SEPTIN2: variants seen among roughly 807,000 people sequenced by gnomAD.
SEPTIN2 encodes the protein septin 2.
Under a neutral mutation model 46.5 loss-of-function variants are expected in SEPTIN2, and 34 were observed. The ratio of observed to expected loss-of-function variants is 0.73; its 90% confidence interval spans 0.56 to 0.97. The LOEUF is 0.97. SEPTIN2 is among the 50% of genes least tolerant of loss of function. The probability of loss-of-function intolerance (pLI) is 0.00; values close to 1 mark genes in which losing one functional copy is unlikely to be tolerated. For missense variants in SEPTIN2, 347 were observed against 448.4 expected (o/e 0.77, Z 2.04); for synonymous variants, 175 against 153.4 (o/e 1.14, Z -1.04).
At position 241,340,944 on chromosome 2, in the gene SEPTIN2, T is replaced by C. The variant is rs2081182470; in HGVS notation, c.595-2048T>C. 3.3e-5 allele frequency among the ~76,000 whole-genome samples: 5 copies of C among 152,316 alleles called. No homozygotes were observed. The South Asian group carries it at 1.0e-3, about 32-fold the overall frequency. ...CTGCCCTCCCCATGATCCTGTTCACTCAGGCTTCCTGTCATCCACCTGCAA... is the reference window on the plus strand; with the variant it reads ...CTGCCCTCCCCATGATCCTGTTCACCCAGGCTTCCTGTCATCCACCTGCAA... On this transcript the variant is annotated intron_variant, in intron 7 of 12. Transcript: ENST00000391971.
At chr2:241,335,493 AGT>A (rs1275793250) in intron 4 of SEPTIN2, 2 of 771,684 alleles carry the variant, frequency 2.6e-6, no homozygotes, top group Non-Finnish European at 4.3e-6. Flanking sequence ...GGAAGGATTA[AGT>A]GAGAATGTTT....
In SEPTIN2 at chr2:241,346,227, G is replaced by T; in HGVS notation, c.904G>T (p.Glu302Ter). ...QDLHYENFRSERLKRGGRKVE... is the reference protein window; with the variant it reads ...QDLHYENFRS ...CCTTCATTATGAAAACTTCCGTTCT[G>T]AGAGACTCAAGAGAGGCGGCAGGTC... The change falls in exon 10 of 13, where the codon GAG becomes TAG. Residue 302 changes from glutamate to a stop codon, truncating the protein, a stop_gained. Transcript: ENST00000391971. LOFTEE classifies it high-confidence loss of function. The T allele has an allele frequency of 6.2e-7, 1 of 1,613,882 alleles. No individual in the cohort carries two copies. Among genetic ancestry groups the T allele is most frequent in the South Asian group, 1.1e-5 (1 of 91,058 alleles).
rs183704711 is a variant in SEPTIN2, at chr2:241,326,234, G to T, written c.130+121G>T. The stretch of plus-strand genomic sequence containing the variant: ...AATTTGGCAGAGTCAAATAACTTGA[G>T]AATTTGAACAAATATATGTGTATTC... On this transcript the variant is annotated intron_variant, in intron 3 of 12. Coordinates refer to ENST00000391971, the MANE Select transcript of SEPTIN2 (RefSeq NM_004404.5). 6.4e-5 allele frequency: 58 copies of T among 912,430 alleles called. No individual in the cohort carries two copies. The African/African-American group carries it at 8.7e-4, about 14-fold the overall frequency. 56.5% of individuals were successfully genotyped at this position (912,430 alleles called of 1,614,324 possible).
chr2:241,349,600 A>C (rs953913439), intron 11 of SEPTIN2, among the ~76,000 whole-genome samples: 3 of 151,928 alleles, frequency 2.0e-5, no homozygotes, highest in African/African-American at 7.3e-5. Context: ...AGGCGGGTGG[A>C]TCACGAGGTC....
Position 241,348,130 on chromosome 2 carries a change from T to C in SEPTIN2, c.927-4T>C, listed in dbSNP as rs1211719039. ...TTATGATTCTGATTTCTTTCGATTC[T>C]TAGGAAAGTGGAGAATGAGGACATG... On this transcript the variant is annotated splice_region_variant and splice_polypyrimidine_tract_variant and intron_variant, in intron 10 of 12. Transcript: ENST00000391971. 1 of 1,610,868 alleles carries C rather than the reference T, an allele frequency of 6.2e-7. No homozygotes were observed. Among genetic ancestry groups the C allele is most frequent in the Non-Finnish European group, 8.5e-7 (1 of 1,178,330 alleles).
chr2:241,320,641 T>C (rs186027354), intron 1 of SEPTIN2, among the ~76,000 whole-genome samples: 11 of 152,224 alleles, frequency 7.2e-5, no homozygotes, highest in Non-Finnish European at 1.6e-4. Flanking sequence ...ATACTAAAAT[T>C]AGCTGGGCGT....
intron 7 of SEPTIN2, among the ~76,000 whole-genome samples, chr2:241,339,118 G>A (rs1371147534): frequency 6.9e-6 from 1 of 145,780 alleles, no homozygotes; most frequent in East Asian, 1.9e-4. Flanking sequence ...TCTAGGCCGA[G>A]TGTGGTGGCT....
At chr2:241,320,177 C>T (rs577850575) in intron 1 of SEPTIN2, 7 of 468,750 alleles carry the variant, frequency 1.5e-5, no homozygotes, top group Non-Finnish European at 2.7e-5. Context: ...CTTCATAAAA[C>T]AAATTGTTTT....
intron 7 of SEPTIN2, 52 bp from the exon 8 acceptor site, chr2:241,342,940 C>A (rs1575354323): frequency 2.2e-6 from 2 of 925,162 alleles, no homozygotes; most frequent in Non-Finnish European, 3.5e-6. Context: ...GAATTGGCTA[C>A]AATAACATAC....
chr2:241,335,345 T>C lies in SEPTIN2; in HGVS notation c.217+133T>C, dbSNP rs1484291933. 2.3e-5 allele frequency: 36 copies of C among 1,552,944 alleles called. No homozygotes were observed. In the Admixed American group the frequency reaches 2.7e-4, roughly 12 times the overall value. On this transcript the variant is annotated intron_variant, in intron 4 of 12. Transcript: ENST00000391971. ...AGCTTTGAACACAAGGAAAACACTT[T>C]TATGGGGTAGGTGTGCTGCACCGAG...
rs189734374 is a variant in SEPTIN2 at position 241,323,596 on chromosome 2, C to T, written c.-17-620C>T. The stretch of plus-strand genomic sequence containing the variant: ...GAATTTATTTTTGTAATGATAGATG[C>T]TTGTCTTATTCCTAGGGAAATATTT... On this transcript the variant is annotated intron_variant, in intron 1 of 12. Coordinates refer to ENST00000391971, the MANE Select transcript of SEPTIN2 (RefSeq NM_004404.5). Among the ~76,000 whole-genome samples the T allele has an allele frequency of 4.7e-4, 72 of 152,176 alleles. 1 individual carries two copies. In the East Asian group the frequency reaches 0.013, roughly 27 times the overall value.
intron 5 of SEPTIN2, chr2:241,336,693 T>C (rs1434715152): frequency 5.8e-6 from 1 of 171,038 alleles, no homozygotes; most frequent in Non-Finnish European, 1.4e-5. Flanking sequence ...CTGTACTGTT[T>C]CCCAGCTCAG....
intron 9 of SEPTIN2, 25 bp downstream of exon 9, chr2:241,343,922 T>C: frequency 6.2e-7 from 1 of 1,612,404 alleles, no homozygotes; most frequent in Non-Finnish European, 8.5e-7. Context: ...GTGTTCCTTC[T>C]GGCAGAATTT....
Position 241,337,290 on chromosome 2 carries a change from A to G in SEPTIN2, c.342-92A>G, listed in dbSNP as rs190796484. On this transcript the variant is annotated intron_variant, in intron 5 of 12. Transcript: ENST00000391971. ...TTGAAAATGAATTATTAAATTATGT[A>G]TATTTGGGCGGAGGCACTTGTTTTC... 13 of 1,081,324 alleles carry G rather than the reference A, an allele frequency of 1.2e-5. No individual in the cohort carries two copies. The African/African-American group carries it at 1.8e-4, about 15-fold the overall frequency. The allele number at this position is 1,081,324 out of a possible 1,614,324, so 67.0% of individuals were successfully genotyped here. A position where few individuals can be genotyped will look rare whatever the true frequency, so the allele number is the denominator to read the frequency against.
chr2:241,327,772 C>G lies in SEPTIN2; in HGVS notation c.130+1659C>G, dbSNP rs181533392. On this transcript the variant is annotated intron_variant, in intron 3 of 12. Transcript: ENST00000391971. ...GTCTTTAAAAGTAGCCAGATCAGGC[C>G]TGGTGTGGTGGCTCATGCCTGTAAT... 5.9e-5 allele frequency among the ~76,000 whole-genome samples: 9 copies of G among 152,164 alleles called. No homozygotes were observed. In the East Asian group the frequency reaches 1.5e-3, roughly 26 times the overall value.
intron 3 of SEPTIN2, among the ~76,000 whole-genome samples, chr2:241,330,660 C>T (rs1318069009): frequency 6.6e-6 from 1 of 152,176 alleles, no homozygotes; most frequent in Non-Finnish European, 1.5e-5. Context: ...ATATAATAAG[C>T]AAATACGAAA....
Position 241,352,154 on chromosome 2 carries a change from CTG to C in SEPTIN2, c.*221_*222del, listed in dbSNP as rs878921357. On this transcript the variant is annotated 3_prime_UTR_variant, in exon 13 of 13. Coordinates refer to ENST00000391971, the MANE Select transcript of SEPTIN2 (RefSeq NM_004404.5). ...ATGTATTTCATTGCTGTGTCACACT[CTG>C]TGTTTTGTGAGGTGAATGTCTTCCT... 4 of 151,650 alleles carry C rather than the reference CTG, an allele frequency of 2.6e-5. No homozygotes were observed. Among genetic ancestry groups the C allele is most frequent in the Non-Finnish European group, 5.9e-5 (4 of 68,028 alleles). The allele number at this position is 151,650 out of a possible 1,614,324, so 9.4% of individuals were successfully genotyped here. A position where few individuals can be genotyped will look rare whatever the true frequency, so the allele number is the denominator to read the frequency against.
At chr2:241,343,672 CTG>C in intron 8 of SEPTIN2, 78 bp from the exon 9 acceptor site, 9 of 1,518,016 alleles carry the variant, frequency 5.9e-6, no homozygotes, top group Non-Finnish European at 8.2e-6. Context: ...TGTGTTAAGT[CTG>C]TGCTAATGTT....
In SEPTIN2 at chr2:241,335,117, T is replaced by C; in HGVS notation, c.131-9T>C. The C allele has an allele frequency of 6.2e-7, 1 of 1,602,058 alleles. No individual in the cohort carries two copies. Among genetic ancestry groups the C allele is most frequent in the Non-Finnish European group, 8.5e-7 (1 of 1,170,124 alleles). ...AAGGTCATGACAAGGTTTTTCTTTT[T>C]ATTTAAAGGTGAATCAGGTCTAGGA... On this transcript the variant is annotated splice_polypyrimidine_tract_variant and intron_variant, in intron 3 of 12. Transcript: ENST00000391971.
Sources: allele counts gnomAD v4.1 joint callset (sites outside exome capture counted in the v4.1 genomes callset), GRCh38; gene constraint gnomAD v4.1.1; transcripts MANE v1.5; gene names NCBI Gene and HGNC (gene_info 2026-07-23, HGNC 2026-07-21).